The following PRDM16 variants were observed in gnomAD, a reference collection of about 807,000 sequenced individuals.
PRDM16 encodes PR/SET domain 16.
PRDM16 carries 23 observed loss-of-function variants against 110.6 expected under a neutral mutation model. The observed-to-expected ratio is 0.21, with a 90% CI of 0.15 to 0.29. The LOEUF (loss-of-function observed/expected upper bound fraction) is 0.29, where lower values mean the gene tolerates loss of function less well. Among genes scored for constraint, PRDM16 ranks in the 10% least tolerant of loss-of-function variants. The pLI, the probability that PRDM16 is intolerant of heterozygous loss-of-function variation, is 1.00. For missense variants in PRDM16, 1,615 were observed against 1,794.3 expected (o/e 0.90, Z 1.81); for synonymous variants, 799 against 781.8 (o/e 1.02, Z -0.37).
chr1:3,397,509 G>A (rs1643403499), intron 5 of PRDM16, among the ~76,000 whole-genome samples: 1 of 152,272 alleles, frequency 6.6e-6, no homozygotes, highest in African/African-American at 2.4e-5. Context: ...GCCAGGAAAG[G>A]CTCTGTGGGC....
intron 4 of PRDM16, 66 bp from the exon 5 acceptor site, chr1:3,396,425 C>A: frequency 1.2e-6 from 1 of 868,912 alleles, no homozygotes; most frequent in Non-Finnish European, 1.9e-6. Context: ...GCTGAGTGTG[C>A]ACTGAGAGGC....
intron 3 of PRDM16, among the ~76,000 whole-genome samples, chr1:3,273,275 C>G (rs1210128244): frequency 6.6e-6 from 1 of 152,184 alleles, no homozygotes; most frequent in Non-Finnish European, 1.5e-5. Context: ...TGGATCACCA[C>G]CCCAGTGCCC....
intron 5 of PRDM16, among the ~76,000 whole-genome samples, chr1:3,398,628 C>T (rs1324943328): frequency 6.6e-6 from 1 of 152,226 alleles, no homozygotes; most frequent in Non-Finnish European, 1.5e-5. Flanking sequence ...CCTCGGCTCT[C>T]CGGGGCCATT....
At chr1:3,204,533 T>A (rs1170155823) in intron 2 of PRDM16, among the ~76,000 whole-genome samples, 1 of 152,202 alleles carries the variant, frequency 6.6e-6, no homozygotes, top group Non-Finnish European at 1.5e-5. Flanking sequence ...CCTGCCCCTG[T>A]CCCAGGGGAG....
chr1:3,409,198 AGT>A lies in PRDM16; in HGVS notation c.1187-2182_1187-2181del, dbSNP rs562372067. The stretch of plus-strand genomic sequence containing the variant: ...GTGAGTTGGTGCGTGTGTGTGTGAG[AGT>A]GTGGGCGCGTGAGTTGGTGCGTGTG... On this transcript the variant is annotated intron_variant, in intron 8 of 16. Coordinates refer to ENST00000270722, the MANE Select transcript of PRDM16 (RefSeq NM_022114.4). Among the ~76,000 whole-genome samples, 193 of 148,724 alleles carry A rather than the reference AGT, an allele frequency of 1.3e-3. 1 individual carries two copies. The highest frequency in any genetic ancestry group is 4.2e-3 in the African/African-American group (171 of 40,382).
At chr1:3,298,061 G>A (rs138026847) in intron 3 of PRDM16, among the ~76,000 whole-genome samples, 11 of 151,626 alleles carry the variant, frequency 7.3e-5, no homozygotes, top group Non-Finnish European at 1.5e-4. Context: ...TGAGAGTTCT[G>A]CAGCACCAGG....
intron 1 of PRDM16, among the ~76,000 whole-genome samples, chr1:3,093,796 G>A (rs1374601657): frequency 6.6e-6 from 1 of 152,232 alleles, no homozygotes; most frequent in African/African-American, 2.4e-5. Context: ...CTGTGGCTGA[G>A]CAATGCCCAA....
chr1:3,121,688 G>A (rs960743000), intron 1 of PRDM16, among the ~76,000 whole-genome samples: 5 of 152,384 alleles, frequency 3.3e-5, no homozygotes, highest in Admixed American at 1.3e-4. Context: ...CTGATTAGGG[G>A]ATCCGGGGCA....
intron 8 of PRDM16, among the ~76,000 whole-genome samples, chr1:3,405,977 TACTCCCGTCCCCCGAACTC>T (rs1454378188): frequency 3.3e-5 from 5 of 152,106 alleles, no homozygotes; most frequent in African/African-American, 9.7e-5. Context: ...TCCCTGTTGC[TACTCCCGTCCCCCGAACTC>T]ACTCCCCACC....
Position 3,411,424 on chromosome 1 carries a change from G to A in PRDM16, c.1227G>A (p.Leu409=). Residue 409 remains leucine (L), a synonymous_variant, in exon 9 of 17, where the codon CTG becomes CTA. Coordinates refer to ENST00000270722, the MANE Select transcript of PRDM16 (RefSeq NM_022114.4). ...AGTCCTACACGCAGTTCTCCAACCT[G>A]TGCCGGCACAAGCGGATGCACGCCG... ...CHKSYTQFSN[L]CRHKRMHADC... The A allele has an allele frequency of 6.2e-7, 1 of 1,614,100 alleles. No homozygotes were observed. The highest frequency in any genetic ancestry group is 1.6e-4 in the Middle Eastern group (1 of 6,062).
intron 2 of PRDM16, among the ~76,000 whole-genome samples, chr1:3,223,040 G>A (rs1007142479): frequency 6.7e-6 from 1 of 148,396 alleles, no homozygotes; most frequent in African/African-American, 2.5e-5. Flanking sequence ...GGAAGCTCCT[G>A]TTCATAGAGG....
At chr1:3,427,773 C>T (rs1638651704) in intron 14 of PRDM16, among the ~76,000 whole-genome samples, 2 of 152,144 alleles carry the variant, frequency 1.3e-5, no homozygotes, top group African/African-American at 2.4e-5. Flanking sequence ...GGCTCTGGGC[C>T]GTGGTCCCAA....
intron 1 of PRDM16, among the ~76,000 whole-genome samples, chr1:3,147,158 G>A (rs1643688031): frequency 6.7e-6 from 1 of 148,294 alleles, no homozygotes; most frequent in Non-Finnish European, 1.5e-5. Flanking sequence ...TCGGTGTGAG[G>A]TGTGTGCACG....
At position 3,412,394 on chromosome 1, in the gene PRDM16, T is replaced by C; in HGVS notation, c.2197T>C (p.Phe733Leu). ...SAFPFQFLPN[F>L]PHSLYPFTDR... ...GTTCCCCTTCCAGTTCCTGCCCAAC[T>C]TCCCCCACTCCCTTTACCCCTTCAC... Residue 733 changes from phenylalanine to leucine, a missense_variant, in exon 9 of 17, where the codon TTC (phenylalanine) becomes CTC (leucine). Coordinates refer to ENST00000270722, the MANE Select transcript of PRDM16 (RefSeq NM_022114.4). The C allele has an allele frequency of 6.2e-7, 1 of 1,613,288 alleles. No homozygotes were observed. Among genetic ancestry groups the C allele is most frequent in the Non-Finnish European group, 8.5e-7 (1 of 1,179,968 alleles).
intron 3 of PRDM16, among the ~76,000 whole-genome samples, chr1:3,294,144 C>T (rs536291571): frequency 2.6e-5 from 4 of 151,216 alleles, no homozygotes; most frequent in African/African-American, 7.4e-5. Context: ...GGTAAACAGG[C>T]GAAACCTAGA....
intron 1 of PRDM16, among the ~76,000 whole-genome samples, chr1:3,106,855 C>T (rs1642669765): frequency 1.3e-5 from 2 of 152,180 alleles, no homozygotes; most frequent in Non-Finnish European, 1.5e-5. Flanking sequence ...CTGGCCCTGT[C>T]ACTGAATAGT....
chr1:3,434,515 G>A lies in PRDM16; in HGVS notation c.*704G>A, dbSNP rs1638856359. The A allele has an allele frequency of 4.3e-6, 1 of 231,616 alleles. No homozygotes were observed. Among genetic ancestry groups the A allele is most frequent in the African/African-American group, 2.2e-5 (1 of 45,220 alleles). 14.3% of individuals were successfully genotyped at this position (231,616 alleles called of 1,614,324 possible). On this transcript the variant is annotated 3_prime_UTR_variant, in exon 17 of 17. Transcript: ENST00000270722. Reference sequence around the variant, plus strand: ...CCAAGGTGATGCTGGGTGCCCCGAGGCAGAACAAGAGGCGCGGGGCCACAC... The same window carrying A: ...CCAAGGTGATGCTGGGTGCCCCGAGACAGAACAAGAGGCGCGGGGCCACAC...
intron 1 of PRDM16, among the ~76,000 whole-genome samples, chr1:3,085,785 GGC>G (rs1357129413): frequency 6.6e-6 from 1 of 152,198 alleles, no homozygotes; most frequent in Admixed American, 6.5e-5. Context: ...AGGTCGGGTG[GGC>G]AGCAGGTGGC....
chr1:3,134,984 C>T (rs964379602), intron 1 of PRDM16, among the ~76,000 whole-genome samples: 3 of 152,206 alleles, frequency 2.0e-5, no homozygotes, highest in East Asian at 3.9e-4. Context: ...GCCGGCCACC[C>T]GCAGGCTGGG....
Sources: gnomAD v4.1 joint callset for allele counts (sites outside exome capture counted in the v4.1 genomes callset) on GRCh38, gnomAD v4.1.1 for gene constraint, MANE v1.5 for transcripts, NCBI Gene and HGNC (gene_info 2026-07-23, HGNC 2026-07-21) for gene names.